Variants in PHC3 observed in about 807,000 individuals in gnomAD.
PHC3 encodes the protein polyhomeotic-like protein 3.
A neutral mutation model predicts 107.4 loss-of-function variants in PHC3; 13 were observed. The observed-to-expected ratio is 0.12, with a 90% confidence interval of 0.08 to 0.19. The LOEUF (loss-of-function observed/expected upper bound fraction) is 0.19. PHC3 is among the 10% of genes least tolerant of loss of function. The pLI is 1.00. For missense variants in PHC3, 992 were observed against 1,210.9 expected, an observed-to-expected ratio of 0.82 and a Z score of 2.68; for synonymous variants, 456 against 427.4, an observed-to-expected ratio of 1.07 and a Z score of -0.83.
intron 1 of PHC3, among the ~76,000 whole-genome samples, chr3:170,180,668 C>G (rs748569984): frequency 2.5e-4 from 38 of 150,596 alleles, no homozygotes; most frequent in Non-Finnish European, 4.3e-4. Flanking sequence ...AAACTTTTTA[C>G]CGAACTGCTG....
intron 6 of PHC3, among the ~76,000 whole-genome samples, chr3:170,139,440 G>A (rs1211853642): frequency 1.3e-5 from 2 of 152,154 alleles, no homozygotes; most frequent in South Asian, 2.1e-4. Context: ...GATCTATAAA[G>A]TAGACTGCAT....
intron 4 of PHC3, among the ~76,000 whole-genome samples, chr3:170,156,309 T>G (rs1031008226): frequency 2.0e-5 from 3 of 152,134 alleles, no homozygotes; most frequent in African/African-American, 7.2e-5. Flanking sequence ...CGGACTGGAA[T>G]GCAGTGGCAC....
At chr3:170,174,088 G>A (rs1730028206) in intron 2 of PHC3, among the ~76,000 whole-genome samples, 1 of 152,090 alleles carries the variant, frequency 6.6e-6, no homozygotes, top group Admixed American at 6.6e-5. Context: ...AGATACTCAG[G>A]AGGCTCAGGT....
chr3:170,166,741 T>G (rs1032191062), intron 4 of PHC3, among the ~76,000 whole-genome samples: 1 of 152,136 alleles, frequency 6.6e-6, no homozygotes, highest in Non-Finnish European at 1.5e-5. Context: ...TATAGCTCAC[T>G]GTAGCCTCAA....
chr3:170,171,764 C>T (rs966627825), intron 3 of PHC3, among the ~76,000 whole-genome samples: 2 of 152,156 alleles, frequency 1.3e-5, no homozygotes, highest in Non-Finnish European at 2.9e-5. Context: ...ATTAGAGCTA[C>T]AGCAAGAGCC....
At chr3:170,139,164 CTCTCA>C (rs750444254) in intron 6 of PHC3, among the ~76,000 whole-genome samples, 1 of 152,192 alleles carries the variant, frequency 6.6e-6, no homozygotes, top group Non-Finnish European at 1.5e-5. Context: ...CGCTAGTAGA[CTCTCA>C]TCTCAACATT....
At position 170,128,743 on chromosome 3, in the gene PHC3, G is replaced by A. The variant is rs773251309; in HGVS notation, c.1729C>T (p.Pro577Ser). Residue 577 changes from proline (P) to serine (S), a missense_variant, in exon 8 of 15, where the codon CCA becomes TCA. Coordinates refer to ENST00000495893, the MANE Select transcript of PHC3 (RefSeq NM_024947.4). ...VQLPFQTLPP[P>S]QTVAVNLQVQ... Reference sequence around the variant, plus strand: ...TGTAGGTTTACCGCAACAGTCTGTGGAGGAGGAAGAGTCTGAAATGGCAAC... The same window carrying A: ...TGTAGGTTTACCGCAACAGTCTGTGAAGGAGGAAGAGTCTGAAATGGCAAC... 6.2e-7 allele frequency: 1 copy of A among 1,614,036 alleles called. No homozygotes were observed. Among genetic ancestry groups the A allele is most frequent in the Non-Finnish European group, 8.5e-7 (1 of 1,179,884 alleles).
chr3:170,139,862 A>C (rs1414458177), intron 6 of PHC3, among the ~76,000 whole-genome samples: 1 of 152,172 alleles, frequency 6.6e-6, no homozygotes, highest in Non-Finnish European at 1.5e-5. Flanking sequence ...ATCCTTTCTA[A>C]GAAGAAGAAT....
intron 8 of PHC3, chr3:170,128,480 T>A: frequency 8.6e-7 from 1 of 1,166,450 alleles, no homozygotes; most frequent in East Asian, 2.7e-5. Context: ...CCATCACAAA[T>A]TATAAAGCAT....
At chr3:170,115,154 T>C (rs529213433) in intron 10 of PHC3, among the ~76,000 whole-genome samples, 2 of 152,264 alleles carry the variant, frequency 1.3e-5, no homozygotes, top group South Asian at 4.1e-4. Flanking sequence ...TATATAGATA[T>C]TCCTTTCAGA....
At chr3:170,113,172 C>T (rs575458465) in intron 11 of PHC3, among the ~76,000 whole-genome samples, 188 bp downstream of exon 11, 49 of 152,334 alleles carry the variant, frequency 3.2e-4, no homozygotes, top group African/African-American at 1.2e-3. Flanking sequence ...ACTAATCTTG[C>T]TATTTTAGTT....
intron 5 of PHC3, 172 bp downstream of exon 5, chr3:170,148,914 G>GTTA: frequency 1.8e-6 from 1 of 561,182 alleles, no homozygotes; most frequent in South Asian, 3.0e-5. Flanking sequence ...TTAATTAAAA[G>GTTA]TAGAATCTTT....
chr3:170,181,665 C>T lies in PHC3; in HGVS notation c.14+37G>A, dbSNP rs115339592. 1.4e-5 allele frequency: 22 copies of T among 1,613,334 alleles called. No homozygotes were observed. In the African/African-American group the frequency reaches 2.3e-4, roughly 17 times the overall value. ...ACGTGTCGCTGCCCCAACTCGCCCC[C>T]CCTAGTTACGACATCAGTCACCATC... On this transcript the variant is annotated intron_variant, in intron 1 of 14. Coordinates refer to ENST00000495893, the MANE Select transcript of PHC3 (RefSeq NM_024947.4).
chr3:170,124,263 T>C (rs956163037), intron 8 of PHC3, among the ~76,000 whole-genome samples: 2 of 152,234 alleles, frequency 1.3e-5, no homozygotes, highest in South Asian at 4.1e-4. Context: ...TGAAAAATGA[T>C]TACTAAAAAT....
intron 2 of PHC3, among the ~76,000 whole-genome samples, chr3:170,175,377 T>C (rs1407268327): frequency 1.3e-5 from 2 of 152,182 alleles, no homozygotes; most frequent in African/African-American, 4.8e-5. Context: ...TCAGGCGTGG[T>C]GGCTCATCCC....
At chr3:170,120,905 G>A (rs372113025) in intron 9 of PHC3, among the ~76,000 whole-genome samples, 4 of 152,110 alleles carry the variant, frequency 2.6e-5, no homozygotes, top group South Asian at 2.1e-4. Context: ...AACAGAATAC[G>A]TACAACAAAG....
At chr3:170,168,093 T>G (rs377057213) in intron 4 of PHC3, among the ~76,000 whole-genome samples, 21 of 151,976 alleles carry the variant, frequency 1.4e-4, no homozygotes, top group Middle Eastern at 6.8e-3. Flanking sequence ...GCCTGGGAGA[T>G]TGAGGCGGTA....
chr3:170,167,308 C>T (rs1164001646), intron 4 of PHC3, among the ~76,000 whole-genome samples: 1 of 152,166 alleles, frequency 6.6e-6, no homozygotes, highest in African/African-American at 2.4e-5. Context: ...GCCACCACAT[C>T]CAGCTAATTT....
chr3:170,139,257 T>C (rs1352191687), intron 6 of PHC3, among the ~76,000 whole-genome samples: 1 of 152,204 alleles, frequency 6.6e-6, no homozygotes, highest in Non-Finnish European at 1.5e-5. Context: ...TTGAAATATA[T>C]ATTACATGGC....
Sources: allele counts gnomAD v4.1 joint callset (sites outside exome capture counted in the v4.1 genomes callset), GRCh38; gene constraint gnomAD v4.1.1; transcripts MANE v1.5; gene names NCBI Gene and HGNC (gene_info 2026-07-23, HGNC 2026-07-21).